The following NSD3 variants were observed in gnomAD, a reference collection of about 807,000 sequenced individuals.
NSD3 encodes the protein histone-lysine N-methyltransferase NSD3.
NSD3 carries 24 observed loss-of-function variants against 160.8 expected under a neutral mutation model. The observed-to-expected ratio is 0.15, with a 90% CI of 0.11 to 0.21. NSD3 has a LOEUF of 0.21. Among genes scored for constraint, NSD3 ranks in the 10% least tolerant of loss-of-function variants. NSD3 has a pLI of 1.00. For synonymous variants in NSD3, 520 were observed against 600.0 expected (o/e 0.87, Z 1.95); for missense variants, 1,157 against 1,735.9 (o/e 0.67, Z 5.93).
chr8:38,277,004 C>T (rs531646408), intron 22 of NSD3, among the ~76,000 whole-genome samples: 10 of 152,070 alleles, frequency 6.6e-5, no homozygotes, highest in South Asian at 6.2e-4. Flanking sequence ...TGCAGTGGGG[C>T]GATCTCATCT....
rs570938095 is a variant in NSD3 at position 38,288,303 on chromosome 8, T to C, written c.3501+184A>G. ...ACTGGACACTCAAAGTTTAAGCACA[T>C]TTTATCACTATCTTCTTCCTACTAC... On this transcript the variant is annotated intron_variant, in intron 19 of 23. Coordinates refer to ENST00000317025, the MANE Select transcript of NSD3 (RefSeq NM_023034.2). This position sits in a 1 kb window ranked among gnomAD's most constrained non-coding sequence, Gnocchi z 4.5. 6.6e-6 allele frequency among the ~76,000 whole-genome samples: 1 copy of C among 152,286 alleles called. No homozygotes were observed. Among genetic ancestry groups the C allele is most frequent in the South Asian group, 2.1e-4 (1 of 4,820 alleles).
rs1800200889 is a variant in NSD3, at chr8:38,275,565, G to A, written c.*76C>T. On this transcript the variant is annotated 3_prime_UTR_variant, in exon 24 of 24. Transcript: ENST00000317025. ...TCCGATGGCAAAGGCTGTATGCACT[G>A]TAGCAGTCTCTTCTTTTTAAATGCA... 2.6e-5 allele frequency: 36 copies of A among 1,396,914 alleles called. No homozygotes were observed. In the South Asian group the frequency reaches 4.7e-4, roughly 18 times the overall value. The allele number at this position is 1,396,914 out of a possible 1,614,324, so 86.5% of individuals were successfully genotyped here. A position where few individuals can be genotyped will look rare whatever the true frequency, so the allele number is the denominator to read the frequency against.
Position 38,316,528 on chromosome 8 carries a change from T to A in NSD3, c.1856-486A>T. 9.5e-7 allele frequency: 1 copy of A among 1,047,886 alleles called. No individual in the cohort carries two copies. The highest frequency in any genetic ancestry group is 1.2e-6 in the Non-Finnish European group (1 of 868,176). The allele number at this position is 1,047,886 out of a possible 1,614,324, so 64.9% of individuals were successfully genotyped here. ...CGGATAGTGCCATTTTCCCCCAAAT[T>A]TTGCAATTCAGTTGATTATTGCCCC... On this transcript the variant is annotated intron_variant, in intron 9 of 23. Coordinates refer to ENST00000317025, the MANE Select transcript of NSD3 (RefSeq NM_023034.2). This position sits in a 1 kb window ranked among gnomAD's most constrained non-coding sequence, Gnocchi z 4.5.
At chr8:38,330,787 G>A (rs1018535891) in intron 5 of NSD3, among the ~76,000 whole-genome samples, 1 of 152,092 alleles carries the variant, frequency 6.6e-6, no homozygotes. Flanking sequence ...CTCTTAACCA[G>A]ATTACCAAGA....
Position 38,315,449 on chromosome 8 carries a change from G to A in NSD3, c.2082C>T (p.Gly694=). Reference sequence around the variant, plus strand: ...CAGTGTCCTTCTTACTCATTCCAGTGCCTCTTCTCGACAAACTTGAATCCA... The same window carrying A: ...CAGTGTCCTTCTTACTCATTCCAGTACCTCTTCTCGACAAACTTGAATCCA... ...QSMDSSLSRR[G]TGMSKKDTVC... Residue 694 remains glycine, a synonymous_variant, in exon 11 of 24, where the codon GGC becomes GGT. Coordinates refer to ENST00000317025, the MANE Select transcript of NSD3 (RefSeq NM_023034.2). The A allele has an allele frequency of 3.1e-6, 5 of 1,602,614 alleles. No individual in the cohort carries two copies. Among genetic ancestry groups the A allele is most frequent in the Non-Finnish European group, 4.2e-6 (5 of 1,176,876 alleles).
chr8:38,302,935 G>A (rs1439768594), intron 14 of NSD3, among the ~76,000 whole-genome samples: 1 of 152,134 alleles, frequency 6.6e-6, no homozygotes, highest in Non-Finnish European at 1.5e-5. Flanking sequence ...TGCCCAGCCT[G>A]AAAATACCTA....
intron 5 of NSD3, among the ~76,000 whole-genome samples, chr8:38,330,308 G>T (rs1278928802): frequency 6.6e-6 from 1 of 152,120 alleles, no homozygotes; most frequent in Non-Finnish European, 1.5e-5. Flanking sequence ...CAAGTCAGGG[G>T]TGCTACAGAG....
chr8:38,277,937 T>G (rs1808638360), intron 22 of NSD3, among the ~76,000 whole-genome samples: 1 of 150,812 alleles, frequency 6.6e-6, no homozygotes. Context: ...ACAAACAGAC[T>G]TCTTTTTTTT....
At chr8:38,290,895 A>C (rs561973917) in intron 16 of NSD3, 2 of 434,858 alleles carry the variant, frequency 4.6e-6, no homozygotes, top group African/African-American at 3.9e-5. Context: ...CTTTCTTTTA[A>C]AAAATATTTC....
At chr8:38,315,858 A>G in intron 10 of NSD3, 54 bp downstream of exon 10, 1 of 1,563,782 alleles carries the variant, frequency 6.4e-7, no homozygotes, top group South Asian at 1.2e-5. Flanking sequence ...TAAATAAGGG[A>G]AAAGCATTAT....
At chr8:38,335,052 C>T (rs1003082756) in intron 4 of NSD3, among the ~76,000 whole-genome samples, 46 of 145,848 alleles carry the variant, frequency 3.2e-4, no homozygotes, top group Non-Finnish European at 4.2e-4. Context: ...TGGTGGATCT[C>T]GGCTCACTGC....
At position 38,309,146 on chromosome 8, in the gene NSD3, TA is replaced by T. The variant is rs539988814; in HGVS notation, c.2243-3702del. ...CAACATGGTAAACCTGTCTCTCTACTAAAAAAAAAAAACAAAACAAAACCAA... is the reference window on the plus strand; with the variant it reads ...CAACATGGTAAACCTGTCTCTCTACTAAAAAAAAAAACAAAACAAAACCAA... On this transcript the variant is annotated intron_variant, in intron 12 of 23. Transcript: ENST00000317025. 8.2e-4 allele frequency among the ~76,000 whole-genome samples: 113 copies of T among 137,666 alleles called. 1 individual carries two copies. Among genetic ancestry groups the T allele is most frequent in the Middle Eastern group, 3.8e-3 (1 of 262 alleles). 90.3% of individuals were successfully genotyped at this position (137,666 alleles called of 152,430 possible). A position where few individuals can be genotyped will look rare whatever the true frequency, so the allele number is the denominator to read the frequency against.
chr8:38,331,984 G>A (rs1404463830), intron 4 of NSD3, among the ~76,000 whole-genome samples: 1 of 152,264 alleles, frequency 6.6e-6, no homozygotes, highest in Non-Finnish European at 1.5e-5. Context: ...CCGGACTGCA[G>A]TGGCATGATC....
intron 19 of NSD3, among the ~76,000 whole-genome samples, chr8:38,282,642 G>A (rs934887191): frequency 1.3e-5 from 2 of 152,176 alleles, no homozygotes; most frequent in African/African-American, 4.8e-5. Flanking sequence ...CTGCCCTCCA[G>A]CCTGGGTGAC....
intron 16 of NSD3, 50 bp downstream of exon 16, chr8:38,295,746 T>G (rs764474223): frequency 6.4e-7 from 1 of 1,572,434 alleles, no homozygotes; most frequent in Non-Finnish European, 8.7e-7. Flanking sequence ...AGTATGAAAC[T>G]GGTCTGCACA....
Position 38,321,770 on chromosome 8 carries a change from C to T in NSD3, c.1709-598G>A, listed in dbSNP as rs1192570250. ...TTTGACTATCAAGGGATCTGTTATA[C>T]TCTGGAAATAATTAGTCGTGGAAAA... On this transcript the variant is annotated intron_variant, in intron 7 of 23. Coordinates refer to ENST00000317025, the MANE Select transcript of NSD3 (RefSeq NM_023034.2). The surrounding 1 kb of genome is among the most constrained non-coding windows in gnomAD (Gnocchi z 4.7). Among the ~76,000 whole-genome samples the T allele has an allele frequency of 2.0e-5, 3 of 152,180 alleles. No individual in the cohort carries two copies. Among genetic ancestry groups the T allele is most frequent in the Non-Finnish European group, 4.4e-5 (3 of 68,034 alleles).
intron 1 of NSD3, among the ~76,000 whole-genome samples, chr8:38,356,034 C>T (rs77367878): frequency 0.011 from 1,689 of 152,316 alleles, 20 homozygotes; most frequent in Non-Finnish European, 0.019. Flanking sequence ...AACAGAACCT[C>T]ACTTCACCCT....
Position 38,318,382 on chromosome 8 carries a change from A to G in NSD3, c.1855+513T>C, listed in dbSNP as rs941770638. On this transcript the variant is annotated intron_variant, in intron 9 of 23. Transcript: ENST00000317025. This position sits in a 1 kb window ranked among gnomAD's most constrained non-coding sequence, Gnocchi z 5.3. ...TTAAGCTTTCTTAAACTTTGTGCATATCTCAAATAGATTCGCATAAGGTCA... is the reference window on the plus strand; with the variant it reads ...TTAAGCTTTCTTAAACTTTGTGCATGTCTCAAATAGATTCGCATAAGGTCA... 1.3e-5 allele frequency among the ~76,000 whole-genome samples: 2 copies of G among 152,180 alleles called. No individual in the cohort carries two copies. Among genetic ancestry groups the G allele is most frequent in the Non-Finnish European group, 2.9e-5 (2 of 68,030 alleles).
At chr8:38,366,392 A>G (rs544946106) in intron 1 of NSD3, among the ~76,000 whole-genome samples, 5 of 151,148 alleles carry the variant, frequency 3.3e-5, no homozygotes, top group Admixed American at 2.0e-4. Flanking sequence ...CAAAGAATGT[A>G]CAATTATGTT....
Sources: gnomAD v4.1 joint callset for allele counts (sites outside exome capture counted in the v4.1 genomes callset) on GRCh38, gnomAD v4.1.1 for gene constraint, Gnocchi (gnomAD v3.1) non-coding constraint, MANE v1.5 for transcripts, NCBI Gene and HGNC (gene_info 2026-07-23, HGNC 2026-07-21) for gene names.